The following GRIK3 variants were observed in gnomAD, a reference collection of about 807,000 sequenced individuals.
GRIK3 encodes the protein glutamate receptor ionotropic, kainate 3.
Under a neutral mutation model 102.5 loss-of-function variants are expected in GRIK3, and 29 were observed. That is an observed-to-expected ratio of 0.28 (90% CI 0.21 to 0.39). GRIK3 has a LOEUF of 0.39. Among genes scored for constraint, GRIK3 ranks in the 10% least tolerant of loss-of-function variants. The probability of loss-of-function intolerance (pLI) is 1.00; values close to 1 mark genes in which losing one functional copy is unlikely to be tolerated. For missense variants in GRIK3, 908 were observed against 1,252.4 expected (o/e 0.73, Z 4.15); for synonymous variants, 511 against 504.9 (o/e 1.01, Z -0.16).
In GRIK3 at chr1:36,819,402, T is replaced by C. The variant is rs1168749736; in HGVS notation, c.1873+334A>G. 1.3e-5 allele frequency among the ~76,000 whole-genome samples: 2 copies of C among 152,208 alleles called. No homozygotes were observed. ...CTTGCTCAGCTGGATTGTGTGGTGA[T>C]GAGGCCATGGGCAGGGTCAGCCGCA... On this transcript the variant is annotated intron_variant, in intron 12 of 15. Transcript: ENST00000373091. This position sits in a 1 kb window ranked among gnomAD's most constrained non-coding sequence, Gnocchi z 4.1.
rs554708623 is a variant in GRIK3, at chr1:37,019,063, T to C, written c.115+14931A>G. ...TGGATTTACACTGCATCAGGAATGATCTGGGTTAGTCAGAAAGAAGAATTT... is the reference window on the plus strand; with the variant it reads ...TGGATTTACACTGCATCAGGAATGACCTGGGTTAGTCAGAAAGAAGAATTT... On this transcript the variant is annotated intron_variant, in intron 1 of 15. Transcript: ENST00000373091. Among the ~76,000 whole-genome samples the C allele has an allele frequency of 2.8e-3, 430 of 152,326 alleles. 1 individual carries two copies. Among genetic ancestry groups the C allele is most frequent in the Non-Finnish European group, 4.9e-3 (333 of 68,030 alleles).
intron 1 of GRIK3, among the ~76,000 whole-genome samples, chr1:37,030,180 AT>A (rs1642804647): frequency 6.6e-6 from 1 of 152,098 alleles, no homozygotes; most frequent in Non-Finnish European, 1.5e-5. Flanking sequence ...GTCTGAAGCT[AT>A]TTACTTCCAG....
At position 36,806,403 on chromosome 1, in the gene GRIK3, A is replaced by G; in HGVS notation, c.2092-77T>C. On this transcript the variant is annotated intron_variant, in intron 13 of 15. Transcript: ENST00000373091. This position sits in a 1 kb window ranked among gnomAD's most constrained non-coding sequence, Gnocchi z 4.0. ...GACCAAGCACCGCATACCCTGCACA[A>G]CGTGGGTTGGGGCCTTGAACTCGGT... 1.2e-6 allele frequency: 1 copy of G among 855,614 alleles called. No homozygotes were observed. The highest frequency in any genetic ancestry group is 1.9e-6 in the Non-Finnish European group (1 of 534,838). The allele number at this position is 855,614 out of a possible 1,614,324, so 53.0% of individuals were successfully genotyped here.
At chr1:37,017,732 T>A (rs1471120611) in intron 1 of GRIK3, among the ~76,000 whole-genome samples, 1 of 152,156 alleles carries the variant, frequency 6.6e-6, no homozygotes, top group African/African-American at 2.4e-5. Flanking sequence ...GCTGTTTTTT[T>A]AAAAAGACTC....
intron 1 of GRIK3, among the ~76,000 whole-genome samples, chr1:37,023,326 CAA>C (rs34286119): frequency 5.1e-4 from 60 of 118,792 alleles, no homozygotes; most frequent in African/African-American, 6.3e-4. Context: ...GACTCTATCT[CAA>C]AAAAAAAAAA....
At chr1:36,910,423 C>A (rs1307480456) in intron 1 of GRIK3, among the ~76,000 whole-genome samples, 1 of 152,252 alleles carries the variant, frequency 6.6e-6, no homozygotes, top group African/African-American at 2.4e-5. Context: ...TGCTTCCTGC[C>A]AGGGCCCCCG....
rs755672517 is a variant in GRIK3 at position 36,806,134 on chromosome 1, A to T, written c.2284T>A (p.Ser762Thr). The T allele has an allele frequency of 6.2e-7, 1 of 1,613,726 alleles. No individual in the cohort carries two copies. The highest frequency in any genetic ancestry group is 1.1e-5 in the South Asian group (1 of 91,058). Residue 762 changes from serine to threonine, a missense_variant, in exon 14 of 16, where the codon TCC (serine) becomes ACC (threonine). Around this residue, in one of 3 missense-constraint regions of GRIK3, gnomAD observed 297 missense variants for 362.7 expected, o/e 0.82. Transcript: ENST00000373091. This position sits in a 1 kb window ranked among gnomAD's most constrained non-coding sequence, Gnocchi z 4.0. ...NLTQIGGLID[S>T]KGYGIGTPMG... is the part of the protein sequence containing the mutation. ...GGCGTGCCGATGCCGTAGCCCTTGG[A>T]GTCAATGAGGCCCCCGATCTGGGTG...
rs1557691892 is a variant in GRIK3, at chr1:36,819,711, G to C, written c.1873+25C>G. ...CTTGGGGAAAGCAGACCCTGGAAGG[G>C]GAGGCCCTGGGAGAGGGTGCATACC... is the stretch of plus-strand genomic sequence containing the variant. On this transcript the variant is annotated intron_variant, in intron 12 of 15. Transcript: ENST00000373091. The surrounding 1 kb of genome is among the most constrained non-coding windows in gnomAD (Gnocchi z 4.1). 2 of 1,187,526 alleles carry C rather than the reference G, an allele frequency of 1.7e-6. No homozygotes were observed. The highest frequency in any genetic ancestry group is 2.5e-6 in the Non-Finnish European group (2 of 790,724). The allele number at this position is 1,187,526 out of a possible 1,614,324, so 73.6% of individuals were successfully genotyped here.
At chr1:36,930,743 T>C (rs1430177144) in intron 1 of GRIK3, among the ~76,000 whole-genome samples, 1 of 152,208 alleles carries the variant, frequency 6.6e-6, no homozygotes, top group Non-Finnish European at 1.5e-5. Context: ...TATTACGGAA[T>C]GGGCTCCTTA....
At chr1:36,944,392 A>G (rs1268466035) in intron 1 of GRIK3, among the ~76,000 whole-genome samples, 1 of 152,192 alleles carries the variant, frequency 6.6e-6, no homozygotes, top group Non-Finnish European at 1.5e-5. Flanking sequence ...AAGGGGCTGC[A>G]GGCTTCCCAC....
At chr1:36,922,501 T>G (rs1045952692) in intron 1 of GRIK3, among the ~76,000 whole-genome samples, 4 of 152,170 alleles carry the variant, frequency 2.6e-5, no homozygotes, top group Admixed American at 2.0e-4. Context: ...CTTTACTGGC[T>G]GCCACCCTTC....
Position 36,850,419 on chromosome 1 carries a change from C to G in GRIK3, c.1218G>C (p.Gly406=). ...TGAGCCCGTCGGCAGGACTCCACACCCCAACCTGGATGGACACAGACAGAA... is the reference window on the plus strand; with the variant it reads ...TGAGCCCGTCGGCAGGACTCCACACGCCAACCTGGATGGACACAGACAGAA... ...SLKEDGLEKV[G]VWSPADGLNI... The change falls in exon 9 of 16, where the codon GGG becomes GGC. Residue 406 remains glycine, a synonymous_variant. Transcript: ENST00000373091. This position sits in a 1 kb window ranked among gnomAD's most constrained non-coding sequence, Gnocchi z 4.0. 6.2e-7 allele frequency: 1 copy of G among 1,605,076 alleles called. No homozygotes were observed.
intron 1 of GRIK3, among the ~76,000 whole-genome samples, chr1:37,010,718 C>G (rs992858619): frequency 8.7e-5 from 13 of 149,914 alleles, no homozygotes; most frequent in African/African-American, 2.7e-4. Context: ...AGTTTTCTCA[C>G]CTGTACCACT....
intron 1 of GRIK3, among the ~76,000 whole-genome samples, chr1:36,927,542 G>T (rs1384866924): frequency 6.6e-6 from 1 of 152,132 alleles, no homozygotes; most frequent in Non-Finnish European, 1.5e-5. Context: ...TCAGGTGTTT[G>T]TGACCTCCGT....
At chr1:36,883,417 C>T (rs1641005085) in intron 2 of GRIK3, among the ~76,000 whole-genome samples, 1 of 152,170 alleles carries the variant, frequency 6.6e-6, no homozygotes, top group South Asian at 2.1e-4. Flanking sequence ...GTGGAAACCC[C>T]AGCCCTTATG....
At chr1:37,019,546 T>C (rs959724193) in intron 1 of GRIK3, among the ~76,000 whole-genome samples, 1 of 152,140 alleles carries the variant, frequency 6.6e-6, no homozygotes, top group African/African-American at 2.4e-5. Context: ...GGTCACCTAA[T>C]TGGACCTACC....
Position 36,824,529 on chromosome 1 carries a change from C to T in GRIK3, c.1754+1074G>A, listed in dbSNP as rs138046141. Among the ~76,000 whole-genome samples the T allele has an allele frequency of 2.9e-3, 444 of 151,812 alleles. 3 individuals carry two copies. Among genetic ancestry groups the T allele is most frequent in the African/African-American group, 0.01 (424 of 41,378 alleles). On this transcript the variant is annotated intron_variant, in intron 11 of 15. Coordinates refer to ENST00000373091, the MANE Select transcript of GRIK3 (RefSeq NM_000831.4). The stretch of plus-strand genomic sequence containing the variant: ...TCTCTCACAGCGTGGGAGGAGGGAG[C>T]GGAAGGGAGTGAAGTGGGGGGAGGG...
At chr1:36,871,498 A>T (rs1273466672) in intron 4 of GRIK3, among the ~76,000 whole-genome samples, 1 of 152,252 alleles carries the variant, frequency 6.6e-6, no homozygotes, top group East Asian at 1.9e-4. Context: ...ACAAAGCGCC[A>T]GCTCAAATCA....
At chr1:36,955,523 A>T (rs1444585336) in intron 1 of GRIK3, among the ~76,000 whole-genome samples, 1 of 152,106 alleles carries the variant, frequency 6.6e-6, no homozygotes, top group East Asian at 1.9e-4. Context: ...GCACACACAG[A>T]CATACCCCCG....
Sources: gnomAD v4.1 joint callset for allele counts (sites outside exome capture counted in the v4.1 genomes callset) on GRCh38, gnomAD v4.1.1 for gene constraint, gnomAD v4.1.1 regional missense constraint, Gnocchi (gnomAD v3.1) non-coding constraint, MANE v1.5 for transcripts, NCBI Gene and HGNC (gene_info 2026-07-23, HGNC 2026-07-21) for gene names.